Variants in AGBL4 observed in about 807,000 individuals in gnomAD.
AGBL4 encodes the protein AGBL carboxypeptidase 4.
A neutral mutation model predicts 66.4 loss-of-function variants in AGBL4; 58 were observed. That is an observed-to-expected ratio of 0.87 (90% CI 0.71 to 1.09). The LOEUF (loss-of-function observed/expected upper bound fraction) is 1.09, where lower values mean the gene tolerates loss of function less well. Among genes scored for constraint, AGBL4 ranks in the 50% least tolerant of loss-of-function variants. The pLI, the probability that AGBL4 is intolerant of heterozygous loss-of-function variation, is 0.00. For synonymous variants in AGBL4, 234 were observed against 222.9 expected, an observed-to-expected ratio of 1.05 and a Z score of -0.44; for missense variants, 579 against 631.0, an observed-to-expected ratio of 0.92 and a Z score of 0.88.
At chr1:48,963,687 C>T (rs1465899428) in intron 5 of AGBL4, among the ~76,000 whole-genome samples, 1 of 152,080 alleles carries the variant, frequency 6.6e-6, no homozygotes, top group East Asian at 1.9e-4. Context: ...AGCATCCCTT[C>T]TACTCATCCT....
intron 3 of AGBL4, among the ~76,000 whole-genome samples, chr1:49,607,872 G>A (rs1178305106): frequency 2.0e-5 from 3 of 152,104 alleles, no homozygotes; most frequent in African/African-American, 7.2e-5. Context: ...TTATGTATTT[G>A]TGTCTTGTAC....
chr1:49,493,627 A>G (rs984470637), intron 3 of AGBL4, among the ~76,000 whole-genome samples: 2 of 151,958 alleles, frequency 1.3e-5, no homozygotes, highest in Non-Finnish European at 2.9e-5. Context: ...GGTAACAGGA[A>G]CCCAAGAGAA....
intron 5 of AGBL4, among the ~76,000 whole-genome samples, chr1:48,964,831 C>G (rs1020537426): frequency 3.3e-5 from 5 of 152,086 alleles, no homozygotes; most frequent in Non-Finnish European, 7.4e-5. Flanking sequence ...AAACTCACAA[C>G]AAGATAGCTC....
intron 4 of AGBL4, among the ~76,000 whole-genome samples, chr1:49,168,923 A>G (rs540053764): frequency 6.6e-6 from 1 of 152,232 alleles, no homozygotes; most frequent in African/African-American, 2.4e-5. Flanking sequence ...GGCACAACCT[A>G]ATGTATGGAG....
intron 4 of AGBL4, among the ~76,000 whole-genome samples, chr1:49,082,213 C>T (rs1460232285): frequency 6.6e-6 from 1 of 152,172 alleles, no homozygotes; most frequent in Non-Finnish European, 1.5e-5. Flanking sequence ...GACACCCATT[C>T]CTAAGTTACA....
chr1:49,249,417 T>A (rs571730526), intron 3 of AGBL4, among the ~76,000 whole-genome samples: 2 of 152,022 alleles, frequency 1.3e-5, no homozygotes, highest in East Asian at 1.9e-4. Context: ...AAGACCTGAA[T>A]AGACATTTAT....
chr1:49,173,936 G>C (rs887825895), intron 4 of AGBL4, among the ~76,000 whole-genome samples: 1 of 152,170 alleles, frequency 6.6e-6, no homozygotes, highest in African/African-American at 2.4e-5. Flanking sequence ...CTGCTGCTGA[G>C]TGGTCAAGAT....
chr1:49,570,067 G>T (rs569083493), intron 3 of AGBL4, among the ~76,000 whole-genome samples: 45 of 152,052 alleles, frequency 3.0e-4, no homozygotes, highest in Non-Finnish European at 5.0e-4. Context: ...TCTTTTTGAT[G>T]TGTAGATTTG....
At chr1:49,548,496 A>G (rs1652688467) in intron 3 of AGBL4, among the ~76,000 whole-genome samples, 1 of 152,062 alleles carries the variant, frequency 6.6e-6, no homozygotes, top group Non-Finnish European at 1.5e-5. Context: ...GTGATGCTGG[A>G]TTTTGTCAAC....
At chr1:48,868,793 T>G (rs1312227963) in intron 5 of AGBL4, among the ~76,000 whole-genome samples, 1 of 152,204 alleles carries the variant, frequency 6.6e-6, no homozygotes, top group Admixed American at 6.5e-5. Flanking sequence ...TGTTTCATCT[T>G]CTTTCTTGGT....
At chr1:49,024,779 C>T (rs928504235) in intron 5 of AGBL4, among the ~76,000 whole-genome samples, 1 of 152,084 alleles carries the variant, frequency 6.6e-6, no homozygotes, top group African/African-American at 2.4e-5. Flanking sequence ...AACTTACAAA[C>T]AATTCAATTT....
intron 6 of AGBL4, among the ~76,000 whole-genome samples, chr1:48,687,032 T>C (rs893282560): frequency 6.2e-4 from 76 of 122,950 alleles, no homozygotes; most frequent in African/African-American, 2.3e-3. Flanking sequence ...GTGAAACTCA[T>C]AGGGAGGGGG....
chr1:48,816,948 G>A (rs764431734), intron 6 of AGBL4, among the ~76,000 whole-genome samples: 2 of 152,176 alleles, frequency 1.3e-5, no homozygotes, highest in Non-Finnish European at 2.9e-5. Flanking sequence ...AGGTGGTCAC[G>A]ATGAATAGGA....
At chr1:49,941,184 T>C (rs1301687524) in intron 1 of AGBL4, among the ~76,000 whole-genome samples, 1 of 152,126 alleles carries the variant, frequency 6.6e-6, no homozygotes, top group Non-Finnish European at 1.5e-5. Flanking sequence ...ATTTAATCAG[T>C]AGTTTTTTAA....
chr1:49,265,830 C>T (rs376785958), intron 3 of AGBL4, among the ~76,000 whole-genome samples: 18 of 151,856 alleles, frequency 1.2e-4, no homozygotes, highest in East Asian at 5.8e-4. Context: ...TGAATATGTA[C>T]GTGTGTATAG....
At chr1:48,671,681 G>A (rs1646279390) in intron 6 of AGBL4, among the ~76,000 whole-genome samples, 1 of 152,224 alleles carries the variant, frequency 6.6e-6, no homozygotes, top group Non-Finnish European at 1.5e-5. Flanking sequence ...GACACTGAGA[G>A]GTGACTTGGT....
intron 5 of AGBL4, among the ~76,000 whole-genome samples, chr1:48,975,648 C>G (rs1659267872): frequency 6.6e-6 from 1 of 152,138 alleles, no homozygotes; most frequent in Non-Finnish European, 1.5e-5. Flanking sequence ...ATTGAGCCTA[C>G]TATCCACCAA....
chr1:49,583,342 T>C (rs1420114213), intron 3 of AGBL4, among the ~76,000 whole-genome samples: 2 of 152,236 alleles, frequency 1.3e-5, no homozygotes, highest in South Asian at 2.1e-4. Flanking sequence ...CCTAGTCCTA[T>C]GTACATCTTC....
intron 11 of AGBL4, among the ~76,000 whole-genome samples, chr1:48,561,638 G>A (rs1387467836): frequency 1.3e-5 from 2 of 152,194 alleles, no homozygotes; most frequent in African/African-American, 2.4e-5. Flanking sequence ...TGATATGGGT[G>A]GGCCTCATCC....
Sources: allele counts gnomAD v4.1 joint callset (sites outside exome capture counted in the v4.1 genomes callset), GRCh38; gene constraint gnomAD v4.1.1; transcripts MANE v1.5; gene names NCBI Gene and HGNC (gene_info 2026-07-23, HGNC 2026-07-21).